Variants in CHIC2 observed in about 807,000 individuals in gnomAD.
The protein encoded by CHIC2 is cysteine-rich hydrophobic domain-containing protein 2.
In CHIC2, 14 loss-of-function variants were observed where a neutral mutation model predicts 25.9. The observed-to-expected ratio is 0.54, with a 90% CI of 0.36 to 0.85. The LOEUF (loss-of-function observed/expected upper bound fraction) is 0.85, where lower values mean the gene tolerates loss of function less well. CHIC2 is among the 40% of genes least tolerant of loss of function. CHIC2 has a pLI of 0.01. For synonymous variants in CHIC2, 70 were observed against 72.0 expected, an observed-to-expected ratio of 0.97 and a Z score of 0.14; for missense variants, 146 against 202.0, an observed-to-expected ratio of 0.72 and a Z score of 1.68.
chr4:54,079,050 C>G, the CHIC2 span, among the ~76,000 whole-genome samples: 3 of 151,650 alleles, frequency 2.0e-5, no homozygotes, highest in Admixed American at 6.6e-5. Context: ...AACCCCGCCT[C>G]TACTAAAAAT....
the CHIC2 span, among the ~76,000 whole-genome samples, chr4:54,074,902 G>C: frequency 2.0e-5 from 3 of 152,154 alleles, no homozygotes; most frequent in African/African-American, 7.2e-5. Context: ...GAGCCCAGGA[G>C]TTCAAGACCA....
chr4:54,064,302 C>G lies in CHIC2; in HGVS notation c.-2G>C. 2.5e-6 allele frequency: 4 copies of G among 1,613,328 alleles called. No individual in the cohort carries two copies. Among genetic ancestry groups the G allele is most frequent in the Non-Finnish European group, 3.4e-6 (4 of 1,179,618 alleles). On this transcript the variant is annotated 5_prime_UTR_variant, in exon 1 of 6. Coordinates refer to ENST00000263921, the MANE Select transcript of CHIC2 (RefSeq NM_012110.4). The surrounding 1 kb of genome is among the most constrained non-coding windows in gnomAD (Gnocchi z 4.2). ...ATAGATTTCGTCGAAATCCGCCATC[C>G]TGAGCCTCCGAGCTCCCCTGCCCAA...
At chr4:54,066,625 CTTTTTTTTTT>C (rs533491447), upstream of CHIC2, among the ~76,000 whole-genome samples, 25 of 133,734 alleles carry the variant, frequency 1.9e-4, no homozygotes, top group African/African-American at 6.6e-4. Context: ...TCCTGAATGT[CTTTTTTTTTT>C]TTTTTTTTAA....
chr4:54,091,298 G>A, the CHIC2 span, among the ~76,000 whole-genome samples: 2 of 152,252 alleles, frequency 1.3e-5, no homozygotes, highest in South Asian at 2.1e-4. Flanking sequence ...GGGTCTGCGC[G>A]GACAGAGGCA....
intron 3 of CHIC2, among the ~76,000 whole-genome samples, chr4:54,026,012 T>G (rs2110067577): frequency 6.6e-6 from 1 of 152,292 alleles, no homozygotes; most frequent in East Asian, 1.9e-4. Context: ...ATGTTGTGTC[T>G]TGCTTTTATT....
chr4:54,029,938 C>G (rs1249784695), intron 3 of CHIC2, among the ~76,000 whole-genome samples: 1 of 152,136 alleles, frequency 6.6e-6, no homozygotes, highest in Non-Finnish European at 1.5e-5. Context: ...TTCACTTCTC[C>G]CATTTAGATT....
At chr4:54,084,792 C>A in the CHIC2 span, among the ~76,000 whole-genome samples, 65 of 151,476 alleles carry the variant, frequency 4.3e-4, no homozygotes, top group African/African-American at 1.6e-3. Flanking sequence ...TTAGAGTATA[C>A]TCAAAAAAGT....
intron 3 of CHIC2, among the ~76,000 whole-genome samples, chr4:54,036,854 G>A (rs1716401755): frequency 6.6e-6 from 1 of 150,458 alleles, no homozygotes; most frequent in African/African-American, 2.4e-5. Context: ...ATTCCACTCA[G>A]GAATTTTTAC....
chr4:54,038,859 T>A (rs970504784), intron 3 of CHIC2, among the ~76,000 whole-genome samples: 9 of 151,960 alleles, frequency 5.9e-5, no homozygotes, highest in Non-Finnish European at 1.3e-4. Context: ...CTGTCTCCTT[T>A]TTAATTAAAA....
the CHIC2 span, among the ~76,000 whole-genome samples, chr4:54,072,220 G>A: frequency 1.3e-5 from 2 of 151,668 alleles, no homozygotes; most frequent in African/African-American, 4.9e-5. Flanking sequence ...GGAGAATGGC[G>A]TGAACCTGGA....
chr4:54,062,265 T>C (rs2110095717), intron 1 of CHIC2, among the ~76,000 whole-genome samples: 1 of 152,280 alleles, frequency 6.6e-6, no homozygotes, highest in South Asian at 2.1e-4. Flanking sequence ...TGATGATAGA[T>C]AGTCCCTCCC....
Position 54,009,837 on chromosome 4 carries a change from T to G in CHIC2, c.*258A>C. 3.2e-6 allele frequency: 1 copy of G among 314,788 alleles called. No individual in the cohort carries two copies. The highest frequency in any genetic ancestry group is 1.2e-4 in the South Asian group (1 of 8,410). The allele number at this position is 314,788 out of a possible 1,614,324, so 19.5% of individuals were successfully genotyped here. ...TTTTTTTGATAATACAAAAAAGTAATCCTTGAAAATCAGAATACATAACAG... is the reference window on the plus strand; with the variant it reads ...TTTTTTTGATAATACAAAAAAGTAAGCCTTGAAAATCAGAATACATAACAG... On this transcript the variant is annotated 3_prime_UTR_variant, in exon 6 of 6. Transcript: ENST00000263921.
chr4:54,087,067 A>T, the CHIC2 span: 2 of 1,107,984 alleles, frequency 1.8e-6, no homozygotes, highest in Non-Finnish European at 2.7e-6. Context: ...CAGCAGAAAA[A>T]TCTTGAACCA....
At chr4:54,049,677 G>A (rs1198092802) in intron 1 of CHIC2, among the ~76,000 whole-genome samples, 1 of 152,002 alleles carries the variant, frequency 6.6e-6, no homozygotes, top group Admixed American at 6.6e-5. Context: ...GTTATTGGTG[G>A]AAACAAACAA....
chr4:54,024,465 T>A (rs560236456), intron 3 of CHIC2, among the ~76,000 whole-genome samples: 1 of 152,286 alleles, frequency 6.6e-6, no homozygotes, highest in East Asian at 1.9e-4. Flanking sequence ...TCCCCAGCTA[T>A]CTCTATCACA....
intron 4 of CHIC2, 65 bp downstream of exon 4, chr4:54,013,998 G>C (rs1203462259): frequency 1.3e-6 from 2 of 1,597,636 alleles, no homozygotes; most frequent in African/African-American, 2.7e-5. Context: ...TTCAACAAAA[G>C]CATCTGTTTC....
chr4:54,031,660 C>G (rs1001767505), intron 3 of CHIC2, among the ~76,000 whole-genome samples: 2 of 140,808 alleles, frequency 1.4e-5, no homozygotes, highest in Non-Finnish European at 3.0e-5. Flanking sequence ...ACTATGTAGC[C>G]TTAGGCTGGA....
the CHIC2 span, among the ~76,000 whole-genome samples, chr4:54,081,971 A>C: frequency 7.9e-5 from 12 of 152,028 alleles, no homozygotes; most frequent in South Asian, 4.2e-4. Flanking sequence ...TCAATGGGAA[A>C]CCCCACATAT....
At chr4:54,046,970 C>T (rs1227672207) in intron 3 of CHIC2, among the ~76,000 whole-genome samples, 2 of 152,084 alleles carry the variant, frequency 1.3e-5, no homozygotes, top group Non-Finnish European at 2.9e-5. Context: ...CAAACAACCC[C>T]ATCAAAAAGT....
Sources: allele counts gnomAD v4.1 joint callset (sites outside exome capture counted in the v4.1 genomes callset), GRCh38; gene constraint gnomAD v4.1.1; non-coding constraint Gnocchi (gnomAD v3.1); transcripts MANE v1.5; gene names NCBI Gene and HGNC (gene_info 2026-07-23, HGNC 2026-07-21).